Variants in AFAP1L2 observed in about 807,000 individuals in gnomAD.
The protein encoded by AFAP1L2 is actin filament-associated protein 1-like 2.
In AFAP1L2, 46 loss-of-function variants were observed where a neutral mutation model predicts 99.3. The ratio of observed to expected loss-of-function variants is 0.46; its 90% CI spans 0.37 to 0.59. AFAP1L2 has a LOEUF of 0.59. Ranked by LOEUF, AFAP1L2 falls within the 20% of genes least tolerant of loss-of-function variation. The pLI, the probability that AFAP1L2 is intolerant of heterozygous loss-of-function variation, is 0.00. For missense variants in AFAP1L2, 959 were observed against 1,034.9 expected (o/e 0.93, Z 1.01); for synonymous variants, 397 against 419.1 (o/e 0.95, Z 0.64).
At position 114,325,381 on chromosome 10, in the gene AFAP1L2, C is replaced by T. The variant is rs146262149; in HGVS notation, c.316-2120G>A. On this transcript the variant is annotated intron_variant, in intron 4 of 18. Coordinates refer to ENST00000304129, the MANE Select transcript of AFAP1L2 (RefSeq NM_001001936.3). ...TAATGTGTTGTCCTGAAAGCTGAGACGAAGAGGATCGACCCTGTCGGGGCA... is the reference window on the plus strand; with the variant it reads ...TAATGTGTTGTCCTGAAAGCTGAGATGAAGAGGATCGACCCTGTCGGGGCA... 2.5e-3 allele frequency among the ~76,000 whole-genome samples: 377 copies of T among 152,260 alleles called. 3 individuals are homozygous for T. The highest frequency in any genetic ancestry group is 8.7e-3 in the African/African-American group (363 of 41,550).
At chr10:114,332,048 G>A in intron 3 of AFAP1L2, 151 bp from the exon 4 acceptor site, 1 of 457,192 alleles carries the variant, frequency 2.2e-6, no homozygotes, top group East Asian at 3.6e-5. Context: ...AACCGAAGTT[G>A]TTTTTCCTCC....
rs756504187 is a variant in AFAP1L2, at chr10:114,315,549, G to A, written c.612+11C>T. On this transcript the variant is annotated intron_variant, in intron 6 of 18. Coordinates refer to ENST00000304129, the MANE Select transcript of AFAP1L2 (RefSeq NM_001001936.3). The stretch of plus-strand genomic sequence containing the variant: ...GGAGTCGGGGGACAAGACGACGTAA[G>A]GCAGACTGACCAGAAGCCTGTTGTC... 6.2e-7 allele frequency: 1 copy of A among 1,613,690 alleles called. No homozygotes were observed.
rs182588684 is a variant in AFAP1L2 at position 114,401,922 on chromosome 10, G to C, written c.16+2518C>G. Reference sequence around the variant, plus strand: ...ACTGCTTTATAAGATTTGCAAATTAGAGAAAACATTTTGAGACTCTGAAGA... The same window carrying C: ...ACTGCTTTATAAGATTTGCAAATTACAGAAAACATTTTGAGACTCTGAAGA... On this transcript the variant is annotated intron_variant, in intron 1 of 18. Transcript: ENST00000304129. 5.8e-3 allele frequency among the ~76,000 whole-genome samples: 890 copies of C among 152,322 alleles called. 3 individuals are homozygous for C. Among genetic ancestry groups the C allele is most frequent in the Non-Finnish European group, 9.6e-3 (656 of 68,034 alleles).
At chr10:114,294,715 T>G, downstream of AFAP1L2, 1 of 711,352 alleles carries the variant, frequency 1.4e-6, no homozygotes, top group Non-Finnish European at 1.7e-6. Context: ...GAGGCTGAGT[T>G]TCCTGCTAGG....
At chr10:114,343,133 G>A (rs971854077) in intron 1 of AFAP1L2, among the ~76,000 whole-genome samples, 1 of 152,176 alleles carries the variant, frequency 6.6e-6, no homozygotes, top group African/African-American at 2.4e-5. Context: ...CAAAATACTG[G>A]AACAGATGGG....
At chr10:114,402,121 TC>T (rs2058287192) in intron 1 of AFAP1L2, among the ~76,000 whole-genome samples, 1 of 152,214 alleles carries the variant, frequency 6.6e-6, no homozygotes, top group African/African-American at 2.4e-5. Context: ...ACCTGCTTTT[TC>T]CGTTTAACTT....
intron 1 of AFAP1L2, among the ~76,000 whole-genome samples, chr10:114,363,786 T>C (rs955199663): frequency 6.6e-6 from 1 of 152,230 alleles, no homozygotes; most frequent in South Asian, 2.1e-4. Context: ...AGTGCTGTTG[T>C]GTGATGGCCT....
At chr10:114,373,452 C>T (rs1590679858) in intron 1 of AFAP1L2, among the ~76,000 whole-genome samples, 2 of 152,222 alleles carry the variant, frequency 1.3e-5, no homozygotes, top group East Asian at 3.9e-4. Flanking sequence ...AGGCGAAACC[C>T]TGTCTCTACT....
chr10:114,328,729 C>G (rs540133014), intron 4 of AFAP1L2, among the ~76,000 whole-genome samples: 28 of 152,358 alleles, frequency 1.8e-4, no homozygotes, highest in South Asian at 8.3e-4. Context: ...CACCCTGACG[C>G]TGCTCCTCTG....
chr10:114,313,997 GC>G lies in AFAP1L2; in HGVS notation c.665del (p.Gly222AlafsTer18). On this transcript the variant is annotated frameshift_variant, in exon 7 of 19. Coordinates refer to ENST00000304129, the MANE Select transcript of AFAP1L2 (RefSeq NM_001001936.3). LOFTEE classifies it high-confidence loss of function. ...GCTTCTCCTTGTGAATGACGCTGCT[GC>G]CCAGTAGGTTCACGTCCAGCTGAGG... Reference protein sequence around the residue: ...HSPQLDVNLLGSSVIHKEKQV... With the variant: ...HSPQLDVNLLXSSVIHKEKQV... The G allele has an allele frequency of 6.2e-7, 1 of 1,614,072 alleles. No individual in the cohort carries two copies. The highest frequency in any genetic ancestry group is 8.5e-7 in the Non-Finnish European group (1 of 1,180,000).
rs774899543 is a variant in AFAP1L2 at position 114,300,447 on chromosome 10, G to C, written c.1786C>G (p.Gln596Glu). Residue 596 changes from glutamine to glutamate, a missense_variant and splice_region_variant, in exon 14 of 19, where the codon CAG (glutamine) becomes GAG (glutamate). Physicochemically the swap from Gln to Glu is conservative, Grantham distance 29. Around this residue, in one of 2 missense-constraint regions of AFAP1L2, gnomAD observed 576 missense variants for 562.1 expected, o/e 1.02. Transcript: ENST00000304129. Reference protein sequence around the residue: ...CIKCPENLGEQQLESLEPEDP... With the variant: ...CIKCPENLGEEQLESLEPEDP... ...TGTCCTGCAGGGGAGGCCTGTACCT[G>C]TTCTCCCAGGTTCTCTGGACACTTT... 1 of 1,613,454 alleles carries C rather than the reference G, an allele frequency of 6.2e-7. No homozygotes were observed. The highest frequency in any genetic ancestry group is 1.6e-4 in the Middle Eastern group (1 of 6,062).
chr10:114,386,534 T>A (rs1341272573), intron 1 of AFAP1L2, among the ~76,000 whole-genome samples: 1 of 152,150 alleles, frequency 6.6e-6, no homozygotes, highest in Non-Finnish European at 1.5e-5. Flanking sequence ...ATGAAGAGAA[T>A]CAGGGCCGAC....
intron 1 of AFAP1L2, among the ~76,000 whole-genome samples, chr10:114,341,002 C>T (rs556525899): frequency 3.3e-5 from 5 of 152,238 alleles, no homozygotes; most frequent in Non-Finnish European, 5.9e-5. Flanking sequence ...AGAGTGACAA[C>T]GGCCTCGTCG....
chr10:114,293,361 C>T (rs558466055), downstream of AFAP1L2, among the ~76,000 whole-genome samples: 7 of 152,260 alleles, frequency 4.6e-5, no homozygotes, highest in East Asian at 1.9e-4. Flanking sequence ...TGTCTTGTTC[C>T]GGGCTGGTAT....
chr10:114,311,052 G>C (rs921041781), intron 7 of AFAP1L2, among the ~76,000 whole-genome samples: 1 of 143,958 alleles, frequency 6.9e-6, no homozygotes, highest in African/African-American at 2.6e-5. Flanking sequence ...ACACAGAAAG[G>C]CTGTGCCTTC....
At position 114,295,789 on chromosome 10, in the gene AFAP1L2, T is replaced by C. The variant is rs2040115278; in HGVS notation, c.*253A>G. The C allele has an allele frequency of 8.7e-6, 11 of 1,267,868 alleles. No homozygotes were observed. The South Asian group carries it at 2.6e-4, about 30-fold the overall frequency. The allele number at this position is 1,267,868 out of a possible 1,614,324, so 78.5% of individuals were successfully genotyped here. A position where few individuals can be genotyped will look rare whatever the true frequency, so the allele number is the denominator to read the frequency against. ...TCAAAAAAGAAAGAAACACAGAACATCCCTAAATACAACGTCTTGTTTACA... is the reference window on the plus strand; with the variant it reads ...TCAAAAAAGAAAGAAACACAGAACACCCCTAAATACAACGTCTTGTTTACA... On this transcript the variant is annotated 3_prime_UTR_variant, in exon 19 of 19. Transcript: ENST00000304129.
At chr10:114,366,444 A>G (rs1219756921) in intron 1 of AFAP1L2, among the ~76,000 whole-genome samples, 1 of 152,128 alleles carries the variant, frequency 6.6e-6, no homozygotes, top group Non-Finnish European at 1.5e-5. Flanking sequence ...CACACTTCCT[A>G]AAGGATTTCT....
At chr10:114,312,164 G>C (rs1463536750) in intron 7 of AFAP1L2, among the ~76,000 whole-genome samples, 1 of 152,130 alleles carries the variant, frequency 6.6e-6, no homozygotes, top group African/African-American at 2.4e-5. Context: ...AGGGAGGCTA[G>C]GGGCCAGGGA....
chr10:114,308,920 C>T (rs139338479), intron 8 of AFAP1L2, among the ~76,000 whole-genome samples: 8 of 152,254 alleles, frequency 5.3e-5, no homozygotes, highest in African/African-American at 1.7e-4. Flanking sequence ...GAGTCCTGGC[C>T]GGAGCATTCT....
Sources: gnomAD v4.1 joint callset for allele counts (sites outside exome capture counted in the v4.1 genomes callset) on GRCh38, gnomAD v4.1.1 for gene constraint, gnomAD v4.1.1 regional missense constraint, MANE v1.5 for transcripts, NCBI Gene and HGNC (gene_info 2026-07-23, HGNC 2026-07-21) for gene names.